Variants in FAM227A observed in about 807,000 individuals in gnomAD.
The protein encoded by FAM227A is family with sequence similarity 227 member A, also known as protein FAM227A.
In FAM227A, 80 loss-of-function variants were observed where a neutral mutation model predicts 74.7. That is an observed-to-expected ratio of 1.07 (90% CI 0.89 to 1.29). FAM227A has a LOEUF of 1.29. Ranked by LOEUF, FAM227A falls within the 50% of genes most tolerant of loss-of-function variation. The pLI, the probability that FAM227A is intolerant of heterozygous loss-of-function variation, is 0.00. For missense variants in FAM227A, 654 were observed against 683.4 expected (o/e 0.96, Z 0.48); for synonymous variants, 237 against 241.8 (o/e 0.98, Z 0.19).
At chr22:38,622,404 C>T (rs549774798) in intron 10 of FAM227A, among the ~76,000 whole-genome samples, 4 of 152,342 alleles carry the variant, frequency 2.6e-5, no homozygotes, top group East Asian at 3.9e-4. Flanking sequence ...AGGGACTGGG[C>T]TTGCCTCCAC....
chr22:38,643,127 C>A (rs535093117), intron 3 of FAM227A, among the ~76,000 whole-genome samples: 1 of 151,946 alleles, frequency 6.6e-6, no homozygotes, highest in South Asian at 2.1e-4. Flanking sequence ...CCAGCCTAGC[C>A]AACATGGTGA....
intron 13 of FAM227A, among the ~76,000 whole-genome samples, chr22:38,601,180 A>G (rs1046779328): frequency 6.6e-6 from 1 of 152,116 alleles, no homozygotes; most frequent in Non-Finnish European, 1.5e-5. Flanking sequence ...AAATAAAGGA[A>G]TAACATGATA....
At chr22:38,596,980 C>T (rs1300701739) in intron 15 of FAM227A, among the ~76,000 whole-genome samples, 1 of 151,668 alleles carries the variant, frequency 6.6e-6, no homozygotes, top group Non-Finnish European at 1.5e-5. Flanking sequence ...TGTTTGCTTT[C>T]ATTGAACACA....
intron 13 of FAM227A, 90 bp from the exon 14 acceptor site, chr22:38,600,011 C>T: frequency 5.8e-6 from 7 of 1,209,964 alleles, no homozygotes; most frequent in Non-Finnish European, 7.8e-6. Flanking sequence ...CACTCATGTC[C>T]TTTGATCCAG....
At chr22:38,622,966 C>T (rs1372803859) in intron 10 of FAM227A, among the ~76,000 whole-genome samples, 2 of 151,214 alleles carry the variant, frequency 1.3e-5, no homozygotes, top group Admixed American at 1.3e-4. Flanking sequence ...TCCACTATTC[C>T]AATACAAAAT....
chr22:38,585,935 C>A lies in FAM227A; in HGVS notation c.*190G>T. 1 of 1,330,690 alleles carries A rather than the reference C, an allele frequency of 7.5e-7. No homozygotes were observed. Among genetic ancestry groups the A allele is most frequent in the Non-Finnish European group, 1.0e-6 (1 of 989,708 alleles). 82.4% of individuals were successfully genotyped at this position (1,330,690 alleles called of 1,614,324 possible). A position where few individuals can be genotyped will look rare whatever the true frequency, so the allele number is the denominator to read the frequency against. On this transcript the variant is annotated 3_prime_UTR_variant, in exon 17 of 17. Coordinates refer to ENST00000535113, the MANE Select transcript of FAM227A (RefSeq NM_001013647.2). ...CTATGAATAAATGTAGTGACCCAAGCACCAACTCTCTACTCCTGCTTTTCA... is the reference window on the plus strand; with the variant it reads ...CTATGAATAAATGTAGTGACCCAAGAACCAACTCTCTACTCCTGCTTTTCA...
At chr22:38,650,298 A>G in intron 1 of FAM227A, 36 bp from the exon 2 acceptor site, 4 of 923,870 alleles carry the variant, frequency 4.3e-6, no homozygotes, top group Non-Finnish European at 3.2e-6. Flanking sequence ...CAGCTCAGAA[A>G]ACACAAGAAG....
chr22:38,655,201 A>T (rs2145765888), intron 1 of FAM227A, among the ~76,000 whole-genome samples: 1 of 151,948 alleles, frequency 6.6e-6, no homozygotes, highest in African/African-American at 2.4e-5. Context: ...TACTCCATAG[A>T]TAGAACAGCC....
chr22:38,596,120 G>A (rs1312915794), intron 15 of FAM227A, among the ~76,000 whole-genome samples: 1 of 152,110 alleles, frequency 6.6e-6, no homozygotes, highest in Non-Finnish European at 1.5e-5. Context: ...TCAGGCGTTT[G>A]AGACCAACCA....
intron 11 of FAM227A, among the ~76,000 whole-genome samples, chr22:38,618,182 T>C (rs964320137): frequency 3.9e-5 from 6 of 152,272 alleles, no homozygotes; most frequent in South Asian, 2.1e-4. Context: ...CTGAAGGCAA[T>C]TGAAAAACAG....
chr22:38,607,572 C>T (rs1328222566), intron 11 of FAM227A, 96 bp from the exon 12 acceptor site: 4 of 837,978 alleles, frequency 4.8e-6, no homozygotes, highest in East Asian at 5.3e-5. Flanking sequence ...GTAATACATG[C>T]AATTTCTTTG....
At chr22:38,613,105 TTATATA>T (rs554169878) in intron 11 of FAM227A, among the ~76,000 whole-genome samples, 2 of 94,022 alleles carry the variant, frequency 2.1e-5, no homozygotes, top group East Asian at 4.8e-4. Flanking sequence ...TTATATATAA[TTATATA>T]TATATTATAT....
intron 11 of FAM227A, 82 bp downstream of exon 11, chr22:38,620,130 G>T: frequency 1.1e-6 from 1 of 938,546 alleles, no homozygotes. Context: ...CTAACCGGAG[G>T]CCACTGATGC....
intron 1 of FAM227A, among the ~76,000 whole-genome samples, chr22:38,654,147 G>A (rs2092358125): frequency 6.6e-6 from 1 of 151,980 alleles, no homozygotes. Context: ...AGGAGATCCA[G>A]ACCATCCTGG....
chr22:38,590,591 T>C (rs2090910938), intron 16 of FAM227A, among the ~76,000 whole-genome samples: 1 of 152,216 alleles, frequency 6.6e-6, no homozygotes. Context: ...TTTAAGCTGC[T>C]ACATTCTCCT....
Position 38,599,855 on chromosome 22 carries a change from G to C in FAM227A, c.1288C>G (p.Leu430Val). 5 of 1,551,662 alleles carry C rather than the reference G, an allele frequency of 3.2e-6. No homozygotes were observed. The highest frequency in any genetic ancestry group is 4.4e-6 in the Non-Finnish European group (5 of 1,146,960). The change falls in exon 14 of 17, where the codon CTG (leucine) becomes GTG (valine). Residue 430 changes from leucine (L) to valine (V), a missense_variant. Physicochemically the swap from Leu to Val is conservative, Grantham distance 32. Transcript: ENST00000535113. ...NLFNIYGKSP[L>V]IVYFLQNYAS... Reference sequence around the variant, plus strand: ...TAGTTCTGGAGAAAGTACACAATCAGAGGGCTCTTCCCATAAATGTTGAAG... The same window carrying C: ...TAGTTCTGGAGAAAGTACACAATCACAGGGCTCTTCCCATAAATGTTGAAG...
intron 15 of FAM227A, 103 bp downstream of exon 15, chr22:38,597,101 C>T: frequency 9.3e-7 from 1 of 1,076,304 alleles, no homozygotes; most frequent in Admixed American, 2.1e-5. Flanking sequence ...ATGATGGTTA[C>T]AGGAAACCCC....
intron 1 of FAM227A, 103 bp downstream of exon 1, chr22:38,656,017 C>T (rs1569250448): frequency 6.6e-6 from 1 of 152,368 alleles, no homozygotes; most frequent in Non-Finnish European, 1.5e-5. Flanking sequence ...TTTAAGTAGT[C>T]CCTGGGCCTC....
In FAM227A at chr22:38,585,825, T is replaced by G. The variant is rs1188464046; in HGVS notation, c.*300A>C. The G allele has an allele frequency of 1.8e-6, 1 of 549,578 alleles. No homozygotes were observed. The highest frequency in any genetic ancestry group is 3.1e-6 in the Non-Finnish European group (1 of 324,308). 34.0% of individuals were successfully genotyped at this position (549,578 alleles called of 1,614,324 possible). ...GTGGATAATCCCTACTTCATACGGC[T>G]GGTATGAAAGTTTTACCTTTGTATG... On this transcript the variant is annotated 3_prime_UTR_variant, in exon 17 of 17. Transcript: ENST00000535113.
Sources: gnomAD v4.1 joint callset for allele counts (sites outside exome capture counted in the v4.1 genomes callset) on GRCh38, gnomAD v4.1.1 for gene constraint, MANE v1.5 for transcripts, NCBI Gene and HGNC (gene_info 2026-07-23, HGNC 2026-07-21) for gene names.